The following KLHL2 variants were observed in gnomAD, a reference collection of about 807,000 sequenced individuals.
The protein encoded by KLHL2 is kelch-like protein 2.
Under a neutral mutation model 75.8 loss-of-function variants are expected in KLHL2, and 15 were observed. That is an observed-to-expected ratio of 0.20 (90% CI 0.13 to 0.30). The LOEUF (loss-of-function observed/expected upper bound fraction) is 0.30, where lower values mean the gene tolerates loss of function less well. Ranked by LOEUF, KLHL2 falls within the 10% of genes least tolerant of loss-of-function variation. KLHL2 has a pLI of 1.00. For synonymous variants in KLHL2, 214 were observed against 251.9 expected (o/e 0.85, Z 1.42); for missense variants, 381 against 741.0 (o/e 0.51, Z 5.64).
rs1741244711 is a variant in KLHL2 at position 165,257,178 on chromosome 4, A to G, written c.382-6019A>G. On this transcript the variant is annotated intron_variant, in intron 4 of 14. Coordinates refer to ENST00000226725, the MANE Select transcript of KLHL2 (RefSeq NM_007246.4). ...CCTTCTGCAAGCAAGGCTTATGTGCAGTTCATTTATTTGGGAAGTGATCCC... is the reference window on the plus strand; with the variant it reads ...CCTTCTGCAAGCAAGGCTTATGTGCGGTTCATTTATTTGGGAAGTGATCCC... Among the ~76,000 whole-genome samples the G allele has an allele frequency of 2.0e-5, 3 of 152,310 alleles. No homozygotes were observed. The South Asian group carries it at 6.2e-4, about 32-fold the overall frequency.
At chr4:165,255,969 C>T (rs72699598) in intron 4 of KLHL2, among the ~76,000 whole-genome samples, 32,156 of 151,820 alleles carry the variant, frequency 0.21, 3,929 homozygotes, top group Non-Finnish European at 0.29. Flanking sequence ...AATTATTTCC[C>T]CCTATGGAAT....
At chr4:165,271,166 T>G (rs1272730838) in intron 5 of KLHL2, among the ~76,000 whole-genome samples, 1 of 47,680 alleles carries the variant, frequency 2.1e-5, no homozygotes. Flanking sequence ...CATTTTAGGA[T>G]TTTTTTTTTA....
chr4:165,308,420 C>T (rs1232660763), intron 9 of KLHL2, among the ~76,000 whole-genome samples: 2 of 152,170 alleles, frequency 1.3e-5, no homozygotes, highest in African/African-American at 4.8e-5. Flanking sequence ...CCTCTCCCTC[C>T]TTCAGATTAG....
At chr4:165,313,708 G>A (rs375437437) in intron 12 of KLHL2, among the ~76,000 whole-genome samples, 3 of 151,740 alleles carry the variant, frequency 2.0e-5, no homozygotes, top group African/African-American at 4.8e-5. Flanking sequence ...TTTAATATGC[G>A]GTTATTTTAC....
At chr4:165,243,753 T>G (rs1460647675) in intron 4 of KLHL2, among the ~76,000 whole-genome samples, 1 of 152,238 alleles carries the variant, frequency 6.6e-6, no homozygotes, top group African/African-American at 2.4e-5. Context: ...GCTGTATAGA[T>G]AGTGTTTTAC....
chr4:165,248,050 A>G (rs1740402284), intron 4 of KLHL2, among the ~76,000 whole-genome samples: 1 of 152,160 alleles, frequency 6.6e-6, no homozygotes, highest in Admixed American at 6.5e-5. Context: ...ATTCTTACGG[A>G]TTTGCAGATT....
intron 5 of KLHL2, chr4:165,279,703 G>A: frequency 7.3e-7 from 1 of 1,372,178 alleles, no homozygotes; most frequent in Non-Finnish European, 1.0e-6. Context: ...ACGGCGGCGG[G>A]AGGGGGAGGG....
chr4:165,314,246 C>A, intron 13 of KLHL2, 80 bp downstream of exon 13: 2 of 1,280,670 alleles, frequency 1.6e-6, no homozygotes, highest in Non-Finnish European at 2.2e-6. Flanking sequence ...CAATGAATAT[C>A]AATGGTATTT....
At chr4:165,243,081 A>C (rs1026623309) in intron 4 of KLHL2, among the ~76,000 whole-genome samples, 5 of 151,708 alleles carry the variant, frequency 3.3e-5, no homozygotes, top group African/African-American at 9.8e-5. Flanking sequence ...TTATAAATTC[A>C]AAAATGTAAA....
intron 9 of KLHL2, among the ~76,000 whole-genome samples, chr4:165,307,154 A>G (rs1483230624): frequency 6.6e-6 from 1 of 152,212 alleles, no homozygotes; most frequent in Non-Finnish European, 1.5e-5. Flanking sequence ...CTAAAAATAC[A>G]AAAGATAGCT....
At chr4:165,288,341 A>AC (rs1744240096) in intron 5 of KLHL2, among the ~76,000 whole-genome samples, 1 of 152,016 alleles carries the variant, frequency 6.6e-6, no homozygotes, top group African/African-American at 2.4e-5. Context: ...TGAACGGTAT[A>AC]CATTGAAAGA....
intron 5 of KLHL2, among the ~76,000 whole-genome samples, chr4:165,288,874 T>C (rs1411507160): frequency 6.6e-6 from 1 of 151,842 alleles, no homozygotes; most frequent in Non-Finnish European, 1.5e-5. Context: ...TTTTGTGGCT[T>C]GAGGCCAGGG....
At chr4:165,264,754 A>ATG (rs1742097947) in intron 5 of KLHL2, among the ~76,000 whole-genome samples, 3 of 91,224 alleles carry the variant, frequency 3.3e-5, no homozygotes, top group Non-Finnish European at 6.3e-5. Flanking sequence ...ATATATATAT[A>ATG]TATATATATA....
At position 165,229,049 on chromosome 4, in the gene KLHL2, G is replaced by T. The variant is rs1578995548; in HGVS notation, c.259+136G>T. 6.8e-6 allele frequency: 4 copies of T among 586,646 alleles called. No homozygotes were observed. In the East Asian group the frequency reaches 1.1e-4, roughly 17 times the overall value. 36.3% of individuals were successfully genotyped at this position (586,646 alleles called of 1,614,324 possible). ...TAGTGGAAGAAAATGTTCTTGCTTT[G>T]TTCCAAATTCCTCCTCGTCTTTGTT... On this transcript the variant is annotated intron_variant, in intron 3 of 14. Transcript: ENST00000226725.
At chr4:165,283,271 C>T (rs1390822881) in intron 5 of KLHL2, among the ~76,000 whole-genome samples, 2 of 152,222 alleles carry the variant, frequency 1.3e-5, no homozygotes, top group African/African-American at 4.8e-5. Context: ...AAAGTCTTAA[C>T]TTATTTCAGC....
chr4:165,252,060 G>A (rs891350958), intron 4 of KLHL2, among the ~76,000 whole-genome samples: 1 of 152,178 alleles, frequency 6.6e-6, no homozygotes, highest in Non-Finnish European at 1.5e-5. Flanking sequence ...CACGTTTTAA[G>A]TAGTTTCATG....
At chr4:165,288,810 G>A (rs28412024) in intron 5 of KLHL2, among the ~76,000 whole-genome samples, 82 of 145,154 alleles carry the variant, frequency 5.6e-4, no homozygotes, top group African/African-American at 2.0e-3. Flanking sequence ...ATAGCATACT[G>A]TTTCATAATA....
intron 13 of KLHL2, among the ~76,000 whole-genome samples, chr4:165,314,802 A>G (rs1242247395): frequency 6.6e-6 from 1 of 152,190 alleles, no homozygotes; most frequent in East Asian, 1.9e-4. Flanking sequence ...AATAGACTCA[A>G]GATAGCTACA....
intron 3 of KLHL2, among the ~76,000 whole-genome samples, chr4:165,231,265 A>G (rs1738861826): frequency 6.6e-6 from 1 of 152,142 alleles, no homozygotes; most frequent in Admixed American, 6.5e-5. Flanking sequence ...CCTTGGCCAC[A>G]TGGTGAAAAC....
Sources: allele counts gnomAD v4.1 joint callset (sites outside exome capture counted in the v4.1 genomes callset), GRCh38; gene constraint gnomAD v4.1.1; transcripts MANE v1.5; gene names NCBI Gene and HGNC (gene_info 2026-07-23, HGNC 2026-07-21).